The following DLG3 variants were observed in gnomAD, a reference collection of about 807,000 sequenced individuals.
DLG3 encodes the protein disks large homolog 3.
Under a neutral mutation model 64.1 loss-of-function variants are expected in DLG3, and 1 was observed. That is an observed-to-expected ratio of 0.02 (90% CI 0.01 to 0.07). The LOEUF (loss-of-function observed/expected upper bound fraction) is 0.07, where lower values mean the gene tolerates loss of function less well. Among genes scored for constraint, DLG3 ranks in the 10% least tolerant of loss-of-function variants. The pLI is 1.00. For missense variants in DLG3, 429 were observed against 669.5 expected, an observed-to-expected ratio of 0.64 and a Z score of 3.96; for synonymous variants, 245 against 259.8, an observed-to-expected ratio of 0.94 and a Z score of 0.55.
At chrX:70,493,392 G>A (rs2087395602) in intron 12 of DLG3, 7 of 1,205,418 alleles carry the variant, frequency 5.8e-6, no homozygotes, top group Admixed American at 2.2e-5. Context: ...AAAACGAAAC[G>A]TAAAAAGAGT....
intron 9 of DLG3, among the ~76,000 whole-genome samples, chrX:70,471,600 G>T (rs913858416): frequency 4.3e-4 from 48 of 111,394 alleles, no homozygotes; most frequent in African/African-American, 1.5e-3. Context: ...ATAACTTTTT[G>T]AGGACATTCT....
intron 9 of DLG3, among the ~76,000 whole-genome samples, chrX:70,472,079 T>C (rs1486172847): frequency 8.9e-6 from 1 of 112,366 alleles, no homozygotes; most frequent in African/African-American, 3.2e-5. Context: ...CCCCTTCCCC[T>C]GTTTGCACTC....
chrX:70,450,051 C>CG (rs1489601036), intron 4 of DLG3, 118 bp from the exon 5 acceptor site: 7 of 1,047,908 alleles, frequency 6.7e-6, no homozygotes, highest in Non-Finnish European at 7.8e-6. Context: ...TTGGATCCCC[C>CG]GGGGGGAGCT....
chrX:70,464,190 TTTTCCTTTCCTTTCC>T lies in DLG3; in HGVS notation c.1405+9899_1405+9913del, dbSNP rs10562768. Among the ~76,000 whole-genome samples the T allele has an allele frequency of 8.9e-3, 870 of 97,226 alleles. 6 individuals are homozygous for T. Among genetic ancestry groups the T allele is most frequent in the African/African-American group, 0.013 (324 of 25,344 alleles). The allele number at this position is 97,226 out of a possible 115,157, so 84.4% of individuals were successfully genotyped here. A position where few individuals can be genotyped will look rare whatever the true frequency, so the allele number is the denominator to read the frequency against. On this transcript the variant is annotated intron_variant, in intron 9 of 18. Transcript: ENST00000374360. Reference sequence around the variant, plus strand: ...TTTATTTCCTTCCTTCCTTTTTTCTTTTTCCTTTCCTTTCCTTTCCTTTCCTTTCCTTTCCTTTCT... The same window carrying T: ...TTTATTTCCTTCCTTCCTTTTTTCTTTTTCCTTTCCTTTCCTTTCCTTTCT...
At chrX:70,457,018 A>T (rs1463605838) in intron 9 of DLG3, among the ~76,000 whole-genome samples, 1 of 111,478 alleles carries the variant, frequency 9.0e-6, no homozygotes, top group Non-Finnish European at 1.9e-5. Context: ...CATTACTTGA[A>T]TTTTTTTTTC....
chrX:70,453,782 C>T lies in DLG3; in HGVS notation c.1291C>T (p.Arg431Trp). The T allele has an allele frequency of 1.7e-6, 2 of 1,191,339 alleles. No individual in the cohort carries two copies. The highest frequency in any genetic ancestry group is 2.3e-6 in the Non-Finnish European group (2 of 884,447). Residue 431 changes from arginine (R) to tryptophan (W), a missense_variant, in exon 8 of 19, where the codon CGG becomes TGG. Arg to Trp is a moderately radical substitution (Grantham distance 101). Coordinates refer to ENST00000374360, the MANE Select transcript of DLG3 (RefSeq NM_021120.4). The part of the protein sequence containing the change: ...DLSGELRRGD[R>W]ILSVNGVNLR... ...GAGTGGGGAGCTGCGCAGGGGAGAC[C>T]GGATCTTATCGGTGAGGAGACAAAG...
intron 11 of DLG3, 87 bp downstream of exon 11, chrX:70,492,370 C>T (rs1569292567): frequency 2.6e-6 from 3 of 1,142,971 alleles, no homozygotes; most frequent in African/African-American, 3.6e-5. Flanking sequence ...TGCTTGAGAG[C>T]AACGTTTGTG....
chrX:70,481,940 GA>G (rs781274245), intron 10 of DLG3, among the ~76,000 whole-genome samples: 5 of 111,911 alleles, frequency 4.5e-5, no homozygotes, highest in Non-Finnish European at 7.5e-5. Flanking sequence ...TGACATTCCT[GA>G]TCTCTTTACT....
At chrX:70,468,686 C>T (rs2086922747) in intron 9 of DLG3, among the ~76,000 whole-genome samples, 1 of 111,432 alleles carries the variant, frequency 9.0e-6, no homozygotes, top group Non-Finnish European at 1.9e-5. Flanking sequence ...CAATATTTGC[C>T]CATTGAAGCC....
At position 70,449,428 on chromosome X, in the gene DLG3, A is replaced by G. The variant is rs2086596249; in HGVS notation, c.478A>G (p.Ile160Val). ...TCCCCATGTCCCTGATGACCCTGGCATCTTTATTACCAAGATTATCCCTGG... is the reference window on the plus strand; with the variant it reads ...TCCCCATGTCCCTGATGACCCTGGCGTCTTTATTACCAAGATTATCCCTGG... ...DNPHVPDDPG[I>V]FITKIIPGGA... Residue 160 changes from isoleucine to valine, a missense_variant, in exon 3 of 19, where the codon ATC (isoleucine) becomes GTC (valine). Ile to Val is a conservative substitution (Grantham distance 29). This residue lies in a region of DLG3 where 73 missense variants were observed against 158.5 expected (regional missense o/e 0.46). Coordinates refer to ENST00000374360, the MANE Select transcript of DLG3 (RefSeq NM_021120.4). The G allele has an allele frequency of 3.3e-6, 4 of 1,211,677 alleles. No homozygotes were observed. Among genetic ancestry groups the G allele is most frequent in the Non-Finnish European group, 4.5e-6 (4 of 895,427 alleles).
intron 10 of DLG3, among the ~76,000 whole-genome samples, chrX:70,491,198 C>T (rs1484091957): frequency 1.8e-5 from 2 of 112,269 alleles, no homozygotes. Flanking sequence ...CAGGCGTGAG[C>T]CTCTGCGCCC....
intron 9 of DLG3, among the ~76,000 whole-genome samples, chrX:70,463,156 TA>T (rs1415538903): frequency 3.6e-5 from 4 of 111,858 alleles, no homozygotes; most frequent in East Asian, 5.6e-4. Context: ...TATTTTATTT[TA>T]TTTTTTTGAG....
chrX:70,451,291 C>CG (rs1262994498), intron 6 of DLG3, among the ~76,000 whole-genome samples: 9 of 110,709 alleles, frequency 8.1e-5, no homozygotes, highest in Non-Finnish European at 1.5e-4. Flanking sequence ...TTAGTAGAGA[C>CG]GGGGTTTCTC....
chrX:70,457,634 C>T (rs1276194782), intron 9 of DLG3, among the ~76,000 whole-genome samples: 3 of 107,462 alleles, frequency 2.8e-5, no homozygotes, highest in Non-Finnish European at 5.8e-5. Flanking sequence ...TGCAGTGGCA[C>T]GATCTCGGCT....
chrX:70,457,378 A>C (rs2147787369), intron 9 of DLG3, among the ~76,000 whole-genome samples: 1 of 112,092 alleles, frequency 8.9e-6, no homozygotes, highest in African/African-American at 3.2e-5. Flanking sequence ...CCTTTGCCAA[A>C]CCAGTGCAGC....
At chrX:70,482,839 T>C (rs1241527154) in intron 10 of DLG3, among the ~76,000 whole-genome samples, 1 of 108,123 alleles carries the variant, frequency 9.2e-6, no homozygotes, top group Non-Finnish European at 1.9e-5. Flanking sequence ...GGCTGATTTT[T>C]TGTATTTTTA....
At chrX:70,481,847 C>T (rs1462912664) in intron 10 of DLG3, among the ~76,000 whole-genome samples, 1 of 111,895 alleles carries the variant, frequency 8.9e-6, no homozygotes, top group African/African-American at 3.3e-5. Context: ...CCCTGCTTAC[C>T]ATTCCTTAAT....
chrX:70,471,932 C>T (rs1203695369), intron 9 of DLG3, among the ~76,000 whole-genome samples: 2 of 111,663 alleles, frequency 1.8e-5, no homozygotes, highest in Non-Finnish European at 3.8e-5. Context: ...GTCTTACACT[C>T]CCAGAATAAT....
chrX:70,452,617 G>A (rs1296897426), intron 7 of DLG3: 1 of 1,177,603 alleles, frequency 8.5e-7, no homozygotes, highest in East Asian at 3.1e-5. Flanking sequence ...AGAGAGAGAG[G>A]AGCTATGGAG....
Sources: gnomAD v4.1 joint callset for allele counts (sites outside exome capture counted in the v4.1 genomes callset) on GRCh38, gnomAD v4.1.1 for gene constraint, gnomAD v4.1.1 regional missense constraint, MANE v1.5 for transcripts, NCBI Gene and HGNC (gene_info 2026-07-23, HGNC 2026-07-21) for gene names.